SPON1: variants seen among roughly 807,000 people sequenced by gnomAD.
SPON1 encodes the protein spondin-1.
A neutral mutation model predicts 111.7 loss-of-function variants in SPON1; 52 were observed. That is an observed-to-expected ratio of 0.47 (90% CI 0.37 to 0.59). The LOEUF (loss-of-function observed/expected upper bound fraction) is 0.59, where lower values mean the gene tolerates loss of function less well. Among genes scored for constraint, SPON1 ranks in the 20% least tolerant of loss-of-function variants. The pLI is 0.00. For missense variants in SPON1, 957 were observed against 1,068.5 expected, an observed-to-expected ratio of 0.90 and a Z score of 1.46; for synonymous variants, 410 against 395.8, an observed-to-expected ratio of 1.04 and a Z score of -0.43.
At chr11:14,015,892 G>A (rs575100561) in intron 2 of SPON1, among the ~76,000 whole-genome samples, 9 of 152,256 alleles carry the variant, frequency 5.9e-5, no homozygotes, top group Non-Finnish European at 7.4e-5. Context: ...TTATCTGACC[G>A]GCTCATAGCA....
In SPON1 at chr11:14,094,041, G is replaced by A. The variant is rs1479701185; in HGVS notation, c.676+14020G>A. Among the ~76,000 whole-genome samples, 17 of 152,014 alleles carry A rather than the reference G, an allele frequency of 1.1e-4. 1 individual carries two copies. The highest frequency in any genetic ancestry group is 1.9e-4 in the Non-Finnish European group (13 of 68,002). ...AGCCTAGCCAACATGGTGAAACCCTGTCTCTACTAAAAATACAAAAACTCA... is the reference window on the plus strand; with the variant it reads ...AGCCTAGCCAACATGGTGAAACCCTATCTCTACTAAAAATACAAAAACTCA... On this transcript the variant is annotated intron_variant, in intron 5 of 15. Transcript: ENST00000576479.
At chr11:14,206,964 C>T (rs1174228057) in intron 6 of SPON1, among the ~76,000 whole-genome samples, 4 of 152,130 alleles carry the variant, frequency 2.6e-5, no homozygotes, top group African/African-American at 7.2e-5. Flanking sequence ...CTGGAGGCAT[C>T]ATGCTACCTG....
chr11:14,245,844 G>A (rs1848983494), intron 7 of SPON1, among the ~76,000 whole-genome samples: 1 of 152,204 alleles, frequency 6.6e-6, no homozygotes, highest in Non-Finnish European at 1.5e-5. Flanking sequence ...GCAACACGAG[G>A]CAGGGCCTAC....
At chr11:14,221,629 G>A (rs1848682118) in intron 6 of SPON1, among the ~76,000 whole-genome samples, 1 of 152,196 alleles carries the variant, frequency 6.6e-6, no homozygotes, top group Admixed American at 6.5e-5. Context: ...AAATGTCTAG[G>A]TGGCCCTAAT....
At chr11:14,246,069 G>T (rs1439610042) in intron 7 of SPON1, among the ~76,000 whole-genome samples, 1 of 152,150 alleles carries the variant, frequency 6.6e-6, no homozygotes, top group Non-Finnish European at 1.5e-5. Context: ...CTCACTTCTG[G>T]TCCTCTAAGT....
At chr11:14,066,719 TACAGCC>T (rs1466790733) in intron 3 of SPON1, among the ~76,000 whole-genome samples, 1 of 152,160 alleles carries the variant, frequency 6.6e-6, no homozygotes, top group Non-Finnish European at 1.5e-5. Context: ...ACCTTTCCTT[TACAGCC>T]ACATCTCTGG....
chr11:14,254,724 T>C lies in SPON1; in HGVS notation c.1087T>C (p.Tyr363His). The C allele has an allele frequency of 1.9e-6, 3 of 1,613,638 alleles. No homozygotes were observed. In the South Asian group the frequency reaches 3.3e-5, roughly 18 times the overall value. ...CGCTGGCACCGACAGCGGGGTGACC[T>C]ATGAGGTGTGTGTGTGTGCCTGGAG... The part of the protein sequence containing the change: ...WDAGTDSGVT[Y>H]ESPNKPTIPQ... The change falls in exon 8 of 16, where the codon TAT becomes CAT. Residue 363 changes from tyrosine (Y) to histidine (H), a missense_variant. Tyr to His is a moderately conservative substitution (Grantham distance 83). This residue lies in a region of SPON1 where 549 missense variants were observed against 606.2 expected (regional missense o/e 0.91). Transcript: ENST00000576479.
intron 2 of SPON1, among the ~76,000 whole-genome samples, chr11:14,004,760 C>T (rs1176100911): frequency 1.3e-5 from 2 of 151,964 alleles, no homozygotes; most frequent in African/African-American, 4.8e-5. Context: ...ATGTGAAATG[C>T]AGTTTTTTGT....
intron 6 of SPON1, among the ~76,000 whole-genome samples, chr11:14,189,816 C>T (rs991615893): frequency 6.6e-6 from 1 of 152,122 alleles, no homozygotes; most frequent in Non-Finnish European, 1.5e-5. Flanking sequence ...CGTGGAATCC[C>T]TCAAGAGAAG....
At chr11:14,196,397 C>T (rs921505281) in intron 6 of SPON1, among the ~76,000 whole-genome samples, 3 of 151,932 alleles carry the variant, frequency 2.0e-5, no homozygotes, top group East Asian at 1.9e-4. Flanking sequence ...AAATCTATTG[C>T]GGTGATGTTT....
chr11:14,062,873 T>C (rs554685171), intron 3 of SPON1, among the ~76,000 whole-genome samples: 5 of 152,164 alleles, frequency 3.3e-5, no homozygotes, highest in Non-Finnish European at 7.4e-5. Context: ...TGGAAAAAGT[T>C]TGGGCCCACC....
At chr11:14,194,952 G>A (rs1324741260) in intron 6 of SPON1, among the ~76,000 whole-genome samples, 1 of 152,162 alleles carries the variant, frequency 6.6e-6, no homozygotes, top group Non-Finnish European at 1.5e-5. Flanking sequence ...AATGCTAGAG[G>A]GGGCAGTCTA....
intron 6 of SPON1, among the ~76,000 whole-genome samples, chr11:14,209,430 G>A (rs1021515888): frequency 1.6e-4 from 24 of 151,956 alleles, no homozygotes; most frequent in Non-Finnish European, 2.8e-4. Context: ...CACCCCGACA[G>A]GCCCCGGTGT....
At chr11:14,036,919 G>C (rs199957047) in intron 2 of SPON1, among the ~76,000 whole-genome samples, 1 of 77,280 alleles carries the variant, frequency 1.3e-5, no homozygotes, top group African/African-American at 3.0e-5. Context: ...CATTGCAGAA[G>C]CTTAGCTAGA....
At chr11:14,066,437 A>T (rs1292649022) in intron 3 of SPON1, among the ~76,000 whole-genome samples, 1 of 152,158 alleles carries the variant, frequency 6.6e-6, no homozygotes, top group Admixed American at 6.5e-5. Context: ...AGAAAATGAG[A>T]AATAGTCCTG....
chr11:14,160,883 ATATT>A (rs1369598194), intron 6 of SPON1, among the ~76,000 whole-genome samples: 2 of 34,876 alleles, frequency 5.7e-5, no homozygotes, highest in African/African-American at 1.2e-4. Flanking sequence ...ATATTTTTAT[ATATT>A]TATATATATT....
intron 6 of SPON1, among the ~76,000 whole-genome samples, chr11:14,144,726 G>C (rs1357906305): frequency 5.3e-5 from 8 of 151,896 alleles, no homozygotes; most frequent in African/African-American, 1.7e-4. Flanking sequence ...ATTTCTAAAA[G>C]AGGAAACTTC....
At chr11:14,260,888 G>GTGTT (rs1309224300) in intron 14 of SPON1, 136 bp downstream of exon 14, 4 of 919,212 alleles carry the variant, frequency 4.4e-6, no homozygotes, top group Admixed American at 6.0e-5. Flanking sequence ...TTGGCTTTCA[G>GTGTT]TGTTTGCAGT....
intron 6 of SPON1, among the ~76,000 whole-genome samples, chr11:14,227,754 C>T (rs1554938275): frequency 2.0e-5 from 3 of 152,156 alleles, no homozygotes; most frequent in Admixed American, 6.5e-5. Context: ...AATCAAGGCT[C>T]AAAGAGTTAA....
Sources: gnomAD v4.1 joint callset for allele counts (sites outside exome capture counted in the v4.1 genomes callset) on GRCh38, gnomAD v4.1.1 for gene constraint, gnomAD v4.1.1 regional missense constraint, MANE v1.5 for transcripts, NCBI Gene and HGNC (gene_info 2026-07-23, HGNC 2026-07-21) for gene names.